Variants in POLA1 observed in about 807,000 individuals in gnomAD.
The protein encoded by POLA1 is DNA polymerase alpha catalytic subunit.
Under a neutral mutation model 124.0 loss-of-function variants are expected in POLA1, and 15 were observed. The observed-to-expected ratio is 0.12, with a 90% confidence interval of 0.08 to 0.19. The LOEUF is 0.19. Ranked by LOEUF, POLA1 falls within the 10% of genes least tolerant of loss-of-function variation. POLA1 has a pLI of 1.00. For synonymous variants in POLA1, 408 were observed against 389.4 expected (o/e 1.05, Z -0.56); for missense variants, 886 against 1,103.4 (o/e 0.80, Z 2.79).
chrX:24,901,368 G>A (rs2047275908), intron 35 of POLA1, among the ~76,000 whole-genome samples: 1 of 111,111 alleles, frequency 9.0e-6, no homozygotes, highest in South Asian at 3.9e-4. Context: ...TAGTATAAAG[G>A]GCCTAAGATA....
intron 26 of POLA1, among the ~76,000 whole-genome samples, chrX:24,789,275 A>C (rs754344284): frequency 8.9e-6 from 1 of 112,065 alleles, no homozygotes; most frequent in Non-Finnish European, 1.9e-5. Context: ...GATTCCACCA[A>C]AGAACTGTTA....
Position 24,967,675 on chromosome X carries a change from A to G in POLA1, c.4262-28130A>G, listed in dbSNP as rs72623020. On this transcript the variant is annotated intron_variant, in intron 36 of 36. Coordinates refer to ENST00000379068, the MANE Select transcript of POLA1 (RefSeq NM_001330360.2). ...GACCCTGTCTCAGAAAAGAAAAAGAAAAAAAGAAATTGGATTTTACTATTC... is the reference window on the plus strand; with the variant it reads ...GACCCTGTCTCAGAAAAGAAAAAGAGAAAAAGAAATTGGATTTTACTATTC... Among the ~76,000 whole-genome samples, 4 of 103,965 alleles carry G rather than the reference A, an allele frequency of 3.8e-5. No homozygotes were observed. In the East Asian group the frequency reaches 1.2e-3, roughly 31 times the overall value. 90.3% of individuals were successfully genotyped at this position (103,965 alleles called of 115,157 possible).
chrX:24,920,205 G>A (rs1423498134), intron 35 of POLA1, among the ~76,000 whole-genome samples: 2 of 111,043 alleles, frequency 1.8e-5, no homozygotes, highest in East Asian at 2.8e-4. Context: ...ATTTCTAAAG[G>A]TGCTTCTCAG....
rs1269606649 is a variant in POLA1 at position 24,996,884 on chromosome X, G to A, written c.*934G>A. 1 of 111,656 alleles carries A rather than the reference G, an allele frequency of 9.0e-6. No individual in the cohort carries two copies. The allele number at this position is 111,656 out of a possible 1,213,427, so 9.2% of individuals were successfully genotyped here. On this transcript the variant is annotated 3_prime_UTR_variant, in exon 37 of 37. Transcript: ENST00000379068. ...TTATACTAACAAAATGTTTCCCCTTGTACAATTATGCTGTGTTTTTAAAAA... is the reference window on the plus strand; with the variant it reads ...TTATACTAACAAAATGTTTCCCCTTATACAATTATGCTGTGTTTTTAAAAA...
chrX:24,936,320 G>A (rs759207070), intron 36 of POLA1, among the ~76,000 whole-genome samples: 5 of 111,990 alleles, frequency 4.5e-5, no homozygotes, highest in South Asian at 3.8e-4. Context: ...AAGGATTTCC[G>A]CTATATTTCC....
chrX:24,898,258 G>A (rs1791942020), intron 35 of POLA1, among the ~76,000 whole-genome samples: 1 of 112,027 alleles, frequency 8.9e-6, no homozygotes, highest in Non-Finnish European at 1.9e-5. Flanking sequence ...ATAATTGAGT[G>A]CCTTTCAGAT....
intron 1 of POLA1, among the ~76,000 whole-genome samples, chrX:24,694,447 A>G (rs1054461711): frequency 3.8e-4 from 43 of 112,620 alleles, no homozygotes; most frequent in African/African-American, 1.1e-3. Context: ...GCAGGAAAGA[A>G]AGCTCTAAGT....
intron 34 of POLA1, among the ~76,000 whole-genome samples, chrX:24,886,667 C>T (rs2047068937): frequency 9.0e-6 from 1 of 111,582 alleles, no homozygotes; most frequent in South Asian, 3.8e-4. Context: ...AAGTGGCAGA[C>T]TAAAGTACCT....
intron 30 of POLA1, among the ~76,000 whole-genome samples, chrX:24,817,241 A>G (rs1049048459): frequency 8.9e-6 from 1 of 111,957 alleles, no homozygotes; most frequent in African/African-American, 3.2e-5. Flanking sequence ...TATGTACACA[A>G]TGCTGATTCT....
intron 36 of POLA1, among the ~76,000 whole-genome samples, chrX:24,944,577 A>G (rs1166608632): frequency 8.9e-6 from 1 of 112,137 alleles, no homozygotes; most frequent in Admixed American, 9.5e-5. Context: ...TTCTAAGGAA[A>G]TATCTTTTTC....
At chrX:24,814,957 G>A (rs201295269) in intron 29 of POLA1, 22 bp from the exon 30 acceptor site, 2 of 857,912 alleles carry the variant, frequency 2.3e-6, no homozygotes, top group Non-Finnish European at 3.0e-6. Flanking sequence ...TCTTTGTTTT[G>A]TTTTTTTTTT....
intron 35 of POLA1, among the ~76,000 whole-genome samples, chrX:24,921,765 A>G (rs2047618538): frequency 2.7e-5 from 3 of 111,705 alleles, no homozygotes; most frequent in African/African-American, 9.8e-5. Context: ...ATGTTACTCC[A>G]ATGTATTTAT....
rs2046687199 is a variant in POLA1 at position 24,859,301 on chromosome X, C to T, written c.4047+15624C>T. 2.7e-5 allele frequency among the ~76,000 whole-genome samples: 3 copies of T among 111,539 alleles called. No individual in the cohort carries two copies. The Admixed American group carries it at 2.9e-4, about 11-fold the overall frequency. ...CAGATTTGGGAGCACTGCATTAGGC[C>T]CCAAGCCAGCCTTTCCACCTTCTCT... On this transcript the variant is annotated intron_variant, in intron 34 of 36. Coordinates refer to ENST00000379068, the MANE Select transcript of POLA1 (RefSeq NM_001330360.2).
chrX:24,939,682 G>A (rs1197111547), intron 36 of POLA1, among the ~76,000 whole-genome samples: 1 of 111,664 alleles, frequency 9.0e-6, no homozygotes, highest in African/African-American at 3.2e-5. Flanking sequence ...CCAGGACAAG[G>A]ATAAGTGCCA....
At chrX:24,836,879 G>GA (rs758155120) in intron 32 of POLA1, among the ~76,000 whole-genome samples, 2 of 111,777 alleles carry the variant, frequency 1.8e-5, no homozygotes, top group Non-Finnish European at 3.8e-5. Flanking sequence ...GCCTAAACAT[G>GA]AAGTTCATTT....
intron 35 of POLA1, among the ~76,000 whole-genome samples, chrX:24,907,500 A>C (rs968491759): frequency 8.9e-6 from 1 of 112,071 alleles, no homozygotes; most frequent in South Asian, 3.7e-4. Context: ...AAAGCCAGGG[A>C]AAAATGACAT....
intron 26 of POLA1, among the ~76,000 whole-genome samples, chrX:24,762,930 GT>G (rs1932823920): frequency 9.0e-6 from 1 of 110,792 alleles, no homozygotes; most frequent in South Asian, 3.8e-4. Flanking sequence ...TAGAGTTGGG[GT>G]TTCACCATGT....
chrX:24,721,423 T>TA (rs1930196452), intron 10 of POLA1, among the ~76,000 whole-genome samples: 1 of 112,211 alleles, frequency 8.9e-6, no homozygotes, highest in Non-Finnish European at 1.9e-5. Context: ...TAAGATAGCT[T>TA]AAAAAAACTC....
intron 26 of POLA1, among the ~76,000 whole-genome samples, chrX:24,777,460 A>T (rs1042266299): frequency 8.9e-6 from 1 of 112,242 alleles, no homozygotes; most frequent in Non-Finnish European, 1.9e-5. Context: ...AGTTGAATAT[A>T]TTTTTTCAAA....
Sources: gnomAD v4.1 joint callset for allele counts (sites outside exome capture counted in the v4.1 genomes callset) on GRCh38, gnomAD v4.1.1 for gene constraint, MANE v1.5 for transcripts, NCBI Gene and HGNC (gene_info 2026-07-23, HGNC 2026-07-21) for gene names.